The following FAM98A variants were observed in gnomAD, a reference collection of about 807,000 sequenced individuals.
The protein encoded by FAM98A is tRNA splicing ligase complex subunit 3A, also known as protein FAM98A.
A neutral mutation model predicts 62.9 loss-of-function variants in FAM98A; 25 were observed. That is an observed-to-expected ratio of 0.40 (90% CI 0.29 to 0.56). The LOEUF (loss-of-function observed/expected upper bound fraction) is 0.56, where lower values mean the gene tolerates loss of function less well. FAM98A is among the 20% of genes least tolerant of loss of function. FAM98A has a pLI of 0.51. For synonymous variants in FAM98A, 252 were observed against 228.6 expected (o/e 1.10, Z -0.92); for missense variants, 653 against 640.7 (o/e 1.02, Z -0.21).
At position 33,584,708 on chromosome 2, in the gene FAM98A, C is replaced by T; in HGVS notation, c.*68G>A. On this transcript the variant is annotated 3_prime_UTR_variant, in exon 8 of 8. Transcript: ENST00000238823. ...GTCTCACATTAATTCAAAATAGGTG[C>T]TGAATTCAGGATTCTGAAACTAAGT... 7.3e-7 allele frequency: 1 copy of T among 1,373,300 alleles called. No homozygotes were observed. 85.1% of individuals were successfully genotyped at this position (1,373,300 alleles called of 1,614,324 possible).
At chr2:33,593,078 T>C (rs1298721903) in intron 2 of FAM98A, among the ~76,000 whole-genome samples, 1 of 152,190 alleles carries the variant, frequency 6.6e-6, no homozygotes, top group Non-Finnish European at 1.5e-5. Context: ...TGATTTCCTC[T>C]CTCTGTGAAC....
intron 1 of FAM98A, among the ~76,000 whole-genome samples, chr2:33,596,445 A>C (rs1677813351): frequency 6.6e-6 from 1 of 152,216 alleles, no homozygotes; most frequent in Non-Finnish European, 1.5e-5. Context: ...AAAAGATGAC[A>C]GTCATAATGA....
In FAM98A at chr2:33,585,053, T is replaced by A; in HGVS notation, c.1280A>T (p.Gln427Leu). 1 of 1,614,174 alleles carries A rather than the reference T, an allele frequency of 6.2e-7. No homozygotes were observed. Among genetic ancestry groups the A allele is most frequent in the Non-Finnish European group, 8.5e-7 (1 of 1,180,042 alleles). ...ACTTCCTGTATATGAAGAAGATGTTTGGAAGCCACCATAACCTCCGCCTTG... is the reference window on the plus strand; with the variant it reads ...ACTTCCTGTATATGAAGAAGATGTTAGGAAGCCACCATAACCTCCGCCTTG... ...GYQGGGYGGF[Q>L]TSSSYTGSGY... The change falls in exon 8 of 8, where the codon CAA (glutamine) becomes CTA (leucine). Residue 427 changes from glutamine to leucine, a missense_variant. Gln to Leu is a moderately radical substitution (Grantham distance 113). Transcript: ENST00000238823.
chr2:33,598,028 A>G (rs1328402484), intron 1 of FAM98A, among the ~76,000 whole-genome samples: 2 of 152,252 alleles, frequency 1.3e-5, no homozygotes, highest in African/African-American at 4.8e-5. Flanking sequence ...AAAGTCTGGA[A>G]TATTTATAAA....
intron 2 of FAM98A, among the ~76,000 whole-genome samples, chr2:33,592,625 G>A (rs1017259614): frequency 7.2e-5 from 11 of 152,228 alleles, no homozygotes; most frequent in South Asian, 2.1e-4. Context: ...CCACCTTGGC[G>A]TCTTCAAGTG....
chr2:33,587,468 A>C, intron 4 of FAM98A, 148 bp from the exon 5 acceptor site: 2 of 653,846 alleles, frequency 3.1e-6, no homozygotes, highest in Non-Finnish European at 5.4e-6. Flanking sequence ...TAAAAGACCC[A>C]CAAGATAAAG....
At position 33,584,201 on chromosome 2, in the gene FAM98A, T is replaced by C. The variant is rs939011229; in HGVS notation, c.*575A>G. The C allele has an allele frequency of 1.3e-5, 2 of 153,254 alleles. No individual in the cohort carries two copies. The highest frequency in any genetic ancestry group is 2.9e-5 in the Non-Finnish European group (2 of 68,562). The allele number at this position is 153,254 out of a possible 1,614,324, so 9.5% of individuals were successfully genotyped here. ...ATGATACAGTATTCCATCAACAAAA[T>C]AAGGCTACTGAATGTGCTATCTGCA... On this transcript the variant is annotated 3_prime_UTR_variant, in exon 8 of 8. Coordinates refer to ENST00000238823, the MANE Select transcript of FAM98A (RefSeq NM_015475.5).
At chr2:33,588,590 C>T in intron 3 of FAM98A, 71 bp from the exon 4 acceptor site, 1 of 1,176,260 alleles carries the variant, frequency 8.5e-7, no homozygotes, top group Non-Finnish European at 1.2e-6. Context: ...GGAGTCACAA[C>T]TATATAGACC....
intron 2 of FAM98A, among the ~76,000 whole-genome samples, chr2:33,594,529 T>C (rs1433591256): frequency 4.5e-5 from 1 of 22,368 alleles, no homozygotes; most frequent in Non-Finnish European, 8.5e-5. Context: ...TCCCGGAACA[T>C]AAAGTTAAAA....
intron 1 of FAM98A, among the ~76,000 whole-genome samples, chr2:33,597,380 T>C (rs1677836089): frequency 6.6e-6 from 1 of 152,208 alleles, no homozygotes; most frequent in Admixed American, 6.5e-5. Context: ...TATTTCTCAG[T>C]TAATCCTTTA....
At position 33,586,722 on chromosome 2, in the gene FAM98A, G is replaced by A. The variant is rs914287023; in HGVS notation, c.604-44C>T. Reference sequence around the variant, plus strand: ...GACTAGTTAGAGTTTAAATCTGCTTGATTCTCTGTCCCAAAAGGGCAAAAA... The same window carrying A: ...GACTAGTTAGAGTTTAAATCTGCTTAATTCTCTGTCCCAAAAGGGCAAAAA... On this transcript the variant is annotated intron_variant, in intron 5 of 7. Transcript: ENST00000238823. The A allele has an allele frequency of 4.6e-6, 6 of 1,309,828 alleles. No individual in the cohort carries two copies. The African/African-American group carries it at 7.3e-5, about 16-fold the overall frequency. 81.1% of individuals were successfully genotyped at this position (1,309,828 alleles called of 1,614,324 possible).
Position 33,584,837 on chromosome 2 carries a change from T to G in FAM98A, c.1496A>C (p.Gln499Pro). ...ATGATTATACTGATAACCTCCATGC[T>G]GGAAATGCTGTTCAAATTGACCCCC... ...HQGGQFEQHF[Q>P]HGGYQYNHSG... Residue 499 changes from glutamine to proline, a missense_variant, in exon 8 of 8, where the codon CAG (glutamine) becomes CCG (proline). By Grantham distance (76) the Gln-to-Pro change is moderately conservative. Transcript: ENST00000238823. 6.2e-7 allele frequency: 1 copy of G among 1,614,176 alleles called. No individual in the cohort carries two copies. The highest frequency in any genetic ancestry group is 8.5e-7 in the Non-Finnish European group (1 of 1,180,006).
intron 3 of FAM98A, chr2:33,589,407 T>A (rs1333003898): frequency 6.6e-6 from 1 of 152,224 alleles, no homozygotes; most frequent in Non-Finnish European, 1.5e-5. Flanking sequence ...TCTGGTTATG[T>A]GACAAAGTGA....
rs998400557 is a variant in FAM98A, at chr2:33,599,246, A to T, written c.-25T>A. ...TGCTACTGTGGTATTCAAATTTCCG[A>T]GTCGTCAGGCTCCCCTCTTCGCCGG... is the stretch of plus-strand genomic sequence containing the variant. On this transcript the variant is annotated 5_prime_UTR_variant, in exon 1 of 8. Coordinates refer to ENST00000238823, the MANE Select transcript of FAM98A (RefSeq NM_015475.5). 1.1e-5 allele frequency: 17 copies of T among 1,605,616 alleles called. No individual in the cohort carries two copies. The highest frequency in any genetic ancestry group is 1.4e-5 in the Non-Finnish European group (16 of 1,172,394).
chr2:33,587,737 A>C, intron 4 of FAM98A: 1 of 178,632 alleles, frequency 5.6e-6, no homozygotes, highest in Non-Finnish European at 1.2e-5. Context: ...ACTGTGCTTT[A>C]ACAAATACCG....
intron 2 of FAM98A, 74 bp downstream of exon 2, chr2:33,595,415 T>G (rs745635548): frequency 2.6e-5 from 33 of 1,269,120 alleles, no homozygotes; most frequent in Non-Finnish European, 3.6e-5. Context: ...TCAGCTTTAG[T>G]ATTGATAATG....
intron 1 of FAM98A, among the ~76,000 whole-genome samples, chr2:33,596,633 T>G (rs889408309): frequency 6.6e-6 from 1 of 152,194 alleles, no homozygotes; most frequent in South Asian, 2.1e-4. Context: ...GGCTCACGCC[T>G]GTAATCCCAG....
chr2:33,596,891 C>CAA lies in FAM98A; in HGVS notation c.54-1256_54-1255dup, dbSNP rs55741538. Among the ~76,000 whole-genome samples, 721 of 103,192 alleles carry CAA rather than the reference C, an allele frequency of 7.0e-3. 17 individuals carry two copies. The highest frequency in any genetic ancestry group is 0.019 in the African/African-American group (480 of 25,694). The allele number at this position is 103,192 out of a possible 152,430, so 67.7% of individuals were successfully genotyped here. ...TGGGCGACAGAGCAAGACTCCGTATCAAAAAAAAAAAAAAAAAAAGATAAT... is the reference window on the plus strand; with the variant it reads ...TGGGCGACAGAGCAAGACTCCGTATCAAAAAAAAAAAAAAAAAAAAAGATAAT... On this transcript the variant is annotated intron_variant, in intron 1 of 7. Coordinates refer to ENST00000238823, the MANE Select transcript of FAM98A (RefSeq NM_015475.5).
In FAM98A at chr2:33,584,878, G is replaced by C. The variant is rs1677498449; in HGVS notation, c.1455C>G (p.Ser485Arg). 6.2e-7 allele frequency: 1 copy of C among 1,613,870 alleles called. No individual in the cohort carries two copies. Among genetic ancestry groups the C allele is most frequent in the Non-Finnish European group, 8.5e-7 (1 of 1,179,980 alleles). Residue 485 changes from serine to arginine, a missense_variant, in exon 8 of 8, where the codon AGC becomes AGG. By Grantham distance (110) the Ser-to-Arg change is moderately radical. Transcript: ENST00000238823. Reference sequence around the variant, plus strand: ...ATTGACCCCCTTGGTGATAATTCTGGCTCCCTCTTCCTCCCCAGCCTCCTC... The same window carrying C: ...ATTGACCCCCTTGGTGATAATTCTGCCTCCCTCTTCCTCCCCAGCCTCCTC... ...GQGGGWGGRGSQNYHQGGQFE... is the reference protein window; with the variant it reads ...GQGGGWGGRGRQNYHQGGQFE...
Sources: allele counts gnomAD v4.1 joint callset (sites outside exome capture counted in the v4.1 genomes callset), GRCh38; gene constraint gnomAD v4.1.1; transcripts MANE v1.5; gene names NCBI Gene and HGNC (gene_info 2026-07-23, HGNC 2026-07-21).